Variants in IL7 observed in about 807,000 individuals in gnomAD.
IL7 encodes the protein interleukin 7.
IL7 carries 3 observed loss-of-function variants against 21.6 expected under a neutral mutation model. The ratio of observed to expected loss-of-function variants is 0.14; its 90% CI spans 0.06 to 0.36. The LOEUF is 0.36. Among genes scored for constraint, IL7 ranks in the 10% least tolerant of loss-of-function variants. The pLI is 1.00. For synonymous variants in IL7, 62 were observed against 68.1 expected, an observed-to-expected ratio of 0.91 and a Z score of 0.44; for missense variants, 175 against 200.2, an observed-to-expected ratio of 0.87 and a Z score of 0.76.
chr8:78,687,772 A>ATATATATATTTACGTAATACAT lies in IL7; in HGVS notation n.215-1847_215-1826dup, dbSNP rs761450616. 2.5e-3 allele frequency among the ~76,000 whole-genome samples: 64 copies of ATATATATATTTACGTAATACAT among 25,860 alleles called. 1 individual carries two copies. Among genetic ancestry groups the ATATATATATTTACGTAATACAT allele is most frequent in the African/African-American group, 8.2e-3 (62 of 7,540 alleles). The allele number at this position is 25,860 out of a possible 152,430, so 17.0% of individuals were successfully genotyped here. On this transcript the variant is annotated intron_variant and non_coding_transcript_variant, in intron 3 of 4. Transcript: ENST00000523959. ...ATTATATATATTTACGTAAGACATTATATATATATTTACGTAATACATTAT... is the reference window on the plus strand; with the variant it reads ...ATTATATATATTTACGTAAGACATTATATATATATTTACGTAATACATTATATATATTTACGTAATACATTAT...
chr8:78,697,378 T>C (rs761746283), intron 3 of IL7: 5 of 1,527,518 alleles, frequency 3.3e-6, no homozygotes, highest in Non-Finnish European at 4.5e-6. Context: ...AAAGTGATGT[T>C]GATTAATATT....
intron 4 of IL7, among the ~76,000 whole-genome samples, chr8:78,683,554 C>G (rs1444852861): frequency 1.3e-5 from 2 of 152,140 alleles, no homozygotes; most frequent in Non-Finnish European, 2.9e-5. Context: ...AGTAGGGGGG[C>G]CCTGGACCTG....
intron 3 of IL7, among the ~76,000 whole-genome samples, chr8:78,697,195 C>T (rs1467815223): frequency 6.6e-6 from 1 of 152,156 alleles, no homozygotes; most frequent in Non-Finnish European, 1.5e-5. Flanking sequence ...ACTTTACCAT[C>T]TTAATCGTTT....
At chr8:78,739,227 T>G (rs953032200) in intron 3 of IL7, among the ~76,000 whole-genome samples, 1 of 152,184 alleles carries the variant, frequency 6.6e-6, no homozygotes, top group African/African-American at 2.4e-5. Context: ...GGAGAAATGA[T>G]ATAAACTTTT....
At chr8:78,775,153 T>A (rs1391600731) in intron 2 of IL7, among the ~76,000 whole-genome samples, 7 of 152,114 alleles carry the variant, frequency 4.6e-5, no homozygotes, top group African/African-American at 1.7e-4. Context: ...ATTTTATTAA[T>A]TTACTTTAAT....
chr8:78,725,968 G>GTT (rs202247533), intron 3 of IL7, among the ~76,000 whole-genome samples: 2 of 150,630 alleles, frequency 1.3e-5, no homozygotes, highest in Admixed American at 6.6e-5. Flanking sequence ...TCAAAAATCT[G>GTT]TTTTTTTTTA....
At chr8:78,752,510 C>A (rs928054527) in intron 2 of IL7, among the ~76,000 whole-genome samples, 2 of 152,040 alleles carry the variant, frequency 1.3e-5, no homozygotes, top group Non-Finnish European at 2.9e-5. Flanking sequence ...CATTTTTTTC[C>A]AGTGATTAGT....
chr8:78,706,828 A>G (rs1328070851), intron 3 of IL7, among the ~76,000 whole-genome samples: 2 of 152,192 alleles, frequency 1.3e-5, no homozygotes, highest in Non-Finnish European at 2.9e-5. Context: ...TTCAGACTAC[A>G]TAGAAAATGG....
chr8:78,782,463 C>T (rs1177141615), intron 2 of IL7, among the ~76,000 whole-genome samples: 1 of 152,072 alleles, frequency 6.6e-6, no homozygotes, highest in Non-Finnish European at 1.5e-5. Context: ...CAGTCAGGCC[C>T]CTCTTCCATA....
At chr8:78,678,383 A>G (rs1363470310) in intron 4 of IL7, among the ~76,000 whole-genome samples, 1 of 152,198 alleles carries the variant, frequency 6.6e-6, no homozygotes, top group Non-Finnish European at 1.5e-5. Context: ...CGTGCATTAT[A>G]TATACGTTTT....
At chr8:78,709,303 G>A (rs1810881410) in intron 3 of IL7, among the ~76,000 whole-genome samples, 1 of 152,140 alleles carries the variant, frequency 6.6e-6, no homozygotes, top group African/African-American at 2.4e-5. Context: ...AGAAGTAAAT[G>A]TCTTTAGTTT....
chr8:78,712,808 A>G (rs1354134900), intron 3 of IL7, among the ~76,000 whole-genome samples: 7 of 152,220 alleles, frequency 4.6e-5, no homozygotes, highest in Non-Finnish European at 1.0e-4. Flanking sequence ...CTAAAAATTA[A>G]TATACCTATT....
chr8:78,683,155 TC>T (rs1809844689), intron 4 of IL7, among the ~76,000 whole-genome samples: 1 of 151,910 alleles, frequency 6.6e-6, no homozygotes, highest in Non-Finnish European at 1.5e-5. Flanking sequence ...ATGCAACCTG[TC>T]GGTGGATCTA....
chr8:78,725,832 G>A lies in IL7; in HGVS notation n.268-4392C>T, dbSNP rs1035775016. 2.6e-5 allele frequency among the ~76,000 whole-genome samples: 4 copies of A among 151,926 alleles called. No individual in the cohort carries two copies. The East Asian group carries it at 7.7e-4, about 29-fold the overall frequency. On this transcript the variant is annotated intron_variant and non_coding_transcript_variant, in intron 3 of 6. Transcript: ENST00000519833. ...TGCCACAATCTGTGACATTTAATAG[G>A]CCTCAGTAAATGTTATGAATTATTT...
chr8:78,803,711 G>T (rs1455656321), intron 1 of IL7, among the ~76,000 whole-genome samples: 3 of 152,200 alleles, frequency 2.0e-5, no homozygotes, highest in African/African-American at 7.2e-5. Flanking sequence ...AGAAGAAACT[G>T]CAGAACTATG....
At chr8:78,769,602 A>G (rs1446886838) in intron 2 of IL7, among the ~76,000 whole-genome samples, 1 of 152,220 alleles carries the variant, frequency 6.6e-6, no homozygotes, top group Non-Finnish European at 1.5e-5. Context: ...GAAAATGGCC[A>G]TACTGCCCAA....
At chr8:78,803,702 G>A (rs1234724570) in intron 1 of IL7, among the ~76,000 whole-genome samples, 1 of 152,186 alleles carries the variant, frequency 6.6e-6, no homozygotes, top group Non-Finnish European at 1.5e-5. Context: ...TGATCCAGAA[G>A]AAGAAACTGC....
chr8:78,804,880 G>A (rs757687618), intron 1 of IL7, 33 bp downstream of exon 1: 2 of 1,612,126 alleles, frequency 1.2e-6, no homozygotes, highest in African/African-American at 1.3e-5. Context: ...CGTCGGGCGC[G>A]CGAACTTGTG....
chr8:78,744,849 C>T (rs1216588067), intron 2 of IL7, among the ~76,000 whole-genome samples: 1 of 152,122 alleles, frequency 6.6e-6, no homozygotes, highest in Non-Finnish European at 1.5e-5. Context: ...TGCAAAGATT[C>T]GTGGGAAGAG....
Sources: gnomAD v4.1 joint callset for allele counts (sites outside exome capture counted in the v4.1 genomes callset) on GRCh38, gnomAD v4.1.1 for gene constraint, MANE v1.5 for transcripts, NCBI Gene and HGNC (gene_info 2026-07-23, HGNC 2026-07-21) for gene names.